VPS13D: variants seen among roughly 807,000 people sequenced by gnomAD.
VPS13D encodes the protein vacuolar protein sorting 13 homolog D.
In VPS13D, 187 loss-of-function variants were observed where a neutral mutation model predicts 461.9. The ratio of observed to expected loss-of-function variants is 0.40; its 90% CI spans 0.36 to 0.46. VPS13D has a LOEUF of 0.46. Among genes scored for constraint, VPS13D ranks in the 20% least tolerant of loss-of-function variants. VPS13D has a pLI of 0.60. For synonymous variants in VPS13D, 1,951 were observed against 1,986.3 expected, an observed-to-expected ratio of 0.98 and a Z score of 0.47; for missense variants, 4,711 against 5,364.9, an observed-to-expected ratio of 0.88 and a Z score of 3.81.
At chr1:12,260,135 C>G (rs1641061276) in intron 10 of VPS13D, among the ~76,000 whole-genome samples, 2 of 150,688 alleles carry the variant, frequency 1.3e-5, no homozygotes. Flanking sequence ...ACACCATTCT[C>G]CTGCCTCAGC....
intron 67 of VPS13D, among the ~76,000 whole-genome samples, chr1:12,469,691 G>C (rs1405210383): frequency 1.3e-5 from 2 of 152,172 alleles, no homozygotes; most frequent in Non-Finnish European, 2.9e-5. Context: ...AGCCCTCCTG[G>C]TTTGCTCCTG....
chr1:12,369,644 A>G lies in VPS13D; in HGVS notation c.10750A>G (p.Asn3584Asp). 1 of 1,614,232 alleles carries G rather than the reference A, an allele frequency of 6.2e-7. No homozygotes were observed. Among genetic ancestry groups the G allele is most frequent in the Non-Finnish European group, 8.5e-7 (1 of 1,180,036 alleles). ...CTGCAACATGAATGATTTCCAGGAT[A>G]ATCGGCAGCTTTATTATGAAAATTT... ...INCNMNDFQD[N>D]RQLYYENFIY... Residue 3584 changes from asparagine (N) to aspartate (D), a missense_variant, in exon 54 of 70, where the codon AAT (asparagine) becomes GAT (aspartate). Physicochemically the swap from Asn to Asp is conservative, Grantham distance 23 (BLOSUM62 1). Around this residue, in one of 3 missense-constraint regions of VPS13D, gnomAD observed 4,411 missense variants for 4,937.8 expected, o/e 0.89. Transcript: ENST00000620676.
chr1:12,483,751 G>A (rs1645755476), intron 67 of VPS13D, among the ~76,000 whole-genome samples: 1 of 151,800 alleles, frequency 6.6e-6, no homozygotes, highest in African/African-American at 2.4e-5. Context: ...TGTAATCCCA[G>A]CACTTTGGGA....
chr1:12,412,733 G>A (rs1057234043), intron 63 of VPS13D, among the ~76,000 whole-genome samples: 1 of 152,132 alleles, frequency 6.6e-6, no homozygotes, highest in Non-Finnish European at 1.5e-5. Context: ...TATGACCTTG[G>A]TGTAGACAAA....
intron 65 of VPS13D, among the ~76,000 whole-genome samples, chr1:12,447,208 AT>A (rs1645204060): frequency 1.3e-5 from 2 of 152,102 alleles, no homozygotes; most frequent in African/African-American, 4.8e-5. Flanking sequence ...TCTCTGTATA[AT>A]TTTCACTGGC....
chr1:12,307,569 C>A (rs557946977), intron 26 of VPS13D, among the ~76,000 whole-genome samples: 1 of 152,320 alleles, frequency 6.6e-6, no homozygotes, highest in African/African-American at 2.4e-5. Context: ...TCTTGGCTCA[C>A]TGCAACCTCT....
At chr1:12,485,671 G>T (rs768686116) in intron 67 of VPS13D, among the ~76,000 whole-genome samples, 19 of 152,152 alleles carry the variant, frequency 1.2e-4, no homozygotes, top group Non-Finnish European at 2.8e-4. Flanking sequence ...TGTTGGGGGG[G>T]TGGGCCCGCA....
intron 65 of VPS13D, among the ~76,000 whole-genome samples, chr1:12,448,746 C>T (rs1212846996): frequency 6.6e-6 from 1 of 152,308 alleles, no homozygotes; most frequent in South Asian, 2.1e-4. Context: ...CTTATTTCTG[C>T]GGTTTTTACT....
At chr1:12,499,461 G>A (rs1015784559) in intron 68 of VPS13D, 6 of 985,326 alleles carry the variant, frequency 6.1e-6, no homozygotes, top group Non-Finnish European at 7.2e-6. Context: ...TCTGGTCACT[G>A]TGAAATTTGT....
chr1:12,257,146 A>G lies in VPS13D; in HGVS notation c.941+59A>G, dbSNP rs528305660. On this transcript the variant is annotated intron_variant, in intron 9 of 69. Coordinates refer to ENST00000620676, the MANE Select transcript of VPS13D (RefSeq NM_015378.4). ...GTTAGAGCCTGTTCTTGCTATGTAC[A>G]TAGATCAGAAATATGCCTCACTGTC... The G allele has an allele frequency of 3.9e-4, 570 of 1,466,624 alleles. 4 individuals are homozygous for G. Among genetic ancestry groups the G allele is most frequent in the South Asian group, 1.8e-3 (158 of 87,758 alleles). 90.9% of individuals were successfully genotyped at this position (1,466,624 alleles called of 1,614,324 possible).
chr1:12,412,571 A>G (rs1644743370), intron 63 of VPS13D, among the ~76,000 whole-genome samples: 2 of 152,194 alleles, frequency 1.3e-5, no homozygotes, highest in Admixed American at 1.3e-4. Flanking sequence ...TTTTCAGTAA[A>G]TATTACTTAG....
intron 57 of VPS13D, among the ~76,000 whole-genome samples, chr1:12,381,922 T>TTTCTTTC (rs1553185972): frequency 4.0e-5 from 4 of 101,168 alleles, no homozygotes; most frequent in East Asian, 2.7e-4. Context: ...CTTTCTTTTC[T>TTTCTTTC]TTTCTTTCTT....
At chr1:12,421,863 C>A (rs1158299276) in intron 65 of VPS13D, among the ~76,000 whole-genome samples, 1 of 152,204 alleles carries the variant, frequency 6.6e-6, no homozygotes, top group African/African-American at 2.4e-5. Flanking sequence ...CTCTATCGCC[C>A]AGGCTGGAGT....
Position 12,244,608 on chromosome 1 carries a change from G to A in VPS13D, c.438G>A (p.Glu146=), listed in dbSNP as rs1167819356. 1 of 1,614,054 alleles carries A rather than the reference G, an allele frequency of 6.2e-7. No individual in the cohort carries two copies. The highest frequency in any genetic ancestry group is 8.5e-7 in the Non-Finnish European group (1 of 1,179,852). The change falls in exon 5 of 70, where the codon GAG becomes GAA. Residue 146 remains glutamate, a synonymous_variant. Coordinates refer to ENST00000620676, the MANE Select transcript of VPS13D (RefSeq NM_015378.4). ...CCTCCGTAGTTACAAGGATTGTGGA[G>A]AATATTGAAGTAAGTCCTGCTGACT... is the stretch of plus-strand genomic sequence containing the variant. ...VTASVVTRIV[E]NIELKIQDVH... is the part of the protein sequence containing the mutation.
At chr1:12,415,781 C>T (rs916210795) in intron 64 of VPS13D, among the ~76,000 whole-genome samples, 2 of 152,158 alleles carry the variant, frequency 1.3e-5, no homozygotes, top group South Asian at 2.1e-4. Flanking sequence ...CTCCATTCCC[C>T]GTTTCCTTTT....
intron 64 of VPS13D, among the ~76,000 whole-genome samples, chr1:12,416,318 A>C (rs1644793638): frequency 6.6e-6 from 1 of 152,172 alleles, no homozygotes; most frequent in Admixed American, 6.5e-5. Flanking sequence ...CCTGCTGGTG[A>C]TTACTTCTCT....
intron 41 of VPS13D, among the ~76,000 whole-genome samples, chr1:12,342,090 G>C (rs1303445054): frequency 6.6e-6 from 1 of 152,140 alleles, no homozygotes; most frequent in Non-Finnish European, 1.5e-5. Flanking sequence ...GTCTAATTAT[G>C]ATCTTGTTTT....
chr1:12,271,654 G>A (rs1209010300), intron 17 of VPS13D, among the ~76,000 whole-genome samples: 1 of 152,040 alleles, frequency 6.6e-6, no homozygotes, highest in Non-Finnish European at 1.5e-5. Flanking sequence ...GGGCAACAGA[G>A]TGAGACTGTC....
intron 67 of VPS13D, among the ~76,000 whole-genome samples, chr1:12,474,345 T>C (rs759556327): frequency 8.5e-5 from 13 of 152,212 alleles, no homozygotes; most frequent in Non-Finnish European, 1.6e-4. Flanking sequence ...CAGTCCACTG[T>C]TCAGTATTAT....
Sources: gnomAD v4.1 joint callset for allele counts (sites outside exome capture counted in the v4.1 genomes callset) on GRCh38, gnomAD v4.1.1 for gene constraint, gnomAD v4.1.1 regional missense constraint, MANE v1.5 for transcripts, NCBI Gene and HGNC (gene_info 2026-07-23, HGNC 2026-07-21) for gene names.